CTNNA2: variants seen among roughly 807,000 people sequenced by gnomAD.
CTNNA2 encodes the protein catenin alpha 2, also known as catenin alpha-2.
In CTNNA2, 42 loss-of-function variants were observed where a neutral mutation model predicts 101.0. The ratio of observed to expected loss-of-function variants is 0.42; its 90% CI spans 0.32 to 0.54. CTNNA2 has a LOEUF of 0.54. CTNNA2 is among the 20% of genes least tolerant of loss of function. The pLI is 0.14. For synonymous variants in CTNNA2, 450 were observed against 456.4 expected, an observed-to-expected ratio of 0.99 and a Z score of 0.18; for missense variants, 871 against 1,223.1, an observed-to-expected ratio of 0.71 and a Z score of 4.29.
intron 4 of CTNNA2, among the ~76,000 whole-genome samples, chr2:79,475,465 A>C (rs2104551015): frequency 6.6e-6 from 1 of 152,296 alleles, no homozygotes; most frequent in Admixed American, 6.5e-5. Flanking sequence ...ACGTTCACAA[A>C]GTGCTAGCAT....
At chr2:79,785,117 C>G (rs768946103) in intron 3 of CTNNA2, among the ~76,000 whole-genome samples, 1 of 152,178 alleles carries the variant, frequency 6.6e-6, no homozygotes, top group Non-Finnish European at 1.5e-5. Flanking sequence ...GCTTCTCTTT[C>G]TGCCACCATG....
At chr2:80,552,079 CG>C (rs765008982) in intron 11 of CTNNA2, among the ~76,000 whole-genome samples, 3 of 151,952 alleles carry the variant, frequency 2.0e-5, no homozygotes, top group Non-Finnish European at 4.4e-5. Context: ...GTGGAGCAGG[CG>C]GAACACGCCC....
chr2:79,780,413 G>A (rs1468314791), intron 3 of CTNNA2, among the ~76,000 whole-genome samples: 1 of 152,160 alleles, frequency 6.6e-6, no homozygotes, highest in Non-Finnish European at 1.5e-5. Context: ...AGGAACTTTG[G>A]AGACCTCAAA....
chr2:80,333,833 G>T (rs1671557190), intron 7 of CTNNA2, among the ~76,000 whole-genome samples: 1 of 152,200 alleles, frequency 6.6e-6, no homozygotes, highest in South Asian at 2.1e-4. Flanking sequence ...ATGTTGGCCA[G>T]TCTGGTCTCA....
At chr2:80,416,404 T>C (rs973596406) in intron 8 of CTNNA2, among the ~76,000 whole-genome samples, 3 of 152,160 alleles carry the variant, frequency 2.0e-5, no homozygotes, top group African/African-American at 7.2e-5. Flanking sequence ...GTGTTTCTAC[T>C]GACATTTCTA....
At chr2:79,536,686 T>C (rs796212694) in intron 1 of CTNNA2, among the ~76,000 whole-genome samples, 45 of 140,030 alleles carry the variant, frequency 3.2e-4, no homozygotes, top group African/African-American at 1.0e-3. Context: ...ATGGATTTTT[T>C]TTTTCTTTTC....
chr2:79,499,520 A>G (rs1441604022), intron 4 of CTNNA2, among the ~76,000 whole-genome samples: 1 of 152,146 alleles, frequency 6.6e-6, no homozygotes, highest in Non-Finnish European at 1.5e-5. Flanking sequence ...AATTATAATA[A>G]AATCCTTAAT....
At chr2:79,661,864 AAGAT>A (rs1682060049) in intron 2 of CTNNA2, among the ~76,000 whole-genome samples, 1 of 152,112 alleles carries the variant, frequency 6.6e-6, no homozygotes, top group Admixed American at 6.6e-5. Context: ...GATTAAAAAA[AAGAT>A]AGATCACATA....
chr2:79,599,211 G>A (rs931842350), intron 1 of CTNNA2, among the ~76,000 whole-genome samples: 8 of 152,106 alleles, frequency 5.3e-5, no homozygotes, highest in Admixed American at 5.2e-4. Context: ...TAGATTTATA[G>A]TAAGTCTTGA....
intron 3 of CTNNA2, among the ~76,000 whole-genome samples, chr2:79,851,793 G>GT (rs2103910184): frequency 8.8e-6 from 1 of 113,472 alleles, no homozygotes; most frequent in East Asian, 3.0e-4. Context: ...CTAGACTGCA[G>GT]TGCAATGGTA....
chr2:80,308,499 C>A (rs1677239271), intron 7 of CTNNA2, among the ~76,000 whole-genome samples: 1 of 152,110 alleles, frequency 6.6e-6, no homozygotes. Context: ...AGAGAATTAA[C>A]TTTGTTGTTT....
chr2:80,620,234 A>C (rs1196834503), intron 18 of CTNNA2, among the ~76,000 whole-genome samples: 1 of 151,710 alleles, frequency 6.6e-6, no homozygotes, highest in East Asian at 2.0e-4. Context: ...TATAAAATAT[A>C]TAAAGAGGGT....
At position 80,017,840 on chromosome 2, in the gene CTNNA2, T is replaced by C. The variant is rs146678744; in HGVS notation, c.1056+108043T>C. On this transcript the variant is annotated intron_variant, in intron 7 of 18. Coordinates refer to ENST00000402739, the MANE Select transcript of CTNNA2 (RefSeq NM_001282597.3). ...AAGCCACGAAGTCATTTCACCTACA[T>C]TGTAAAATAGTGCTACCTACTAGGA... 6.1e-3 allele frequency among the ~76,000 whole-genome samples: 932 copies of C among 152,112 alleles called. 24 individuals carry two copies. Among genetic ancestry groups the C allele is most frequent in the Admixed American group, 0.039 (598 of 15,258 alleles).
intron 7 of CTNNA2, among the ~76,000 whole-genome samples, chr2:80,221,418 A>G (rs893723067): frequency 6.6e-6 from 1 of 152,154 alleles, no homozygotes; most frequent in Non-Finnish European, 1.5e-5. Flanking sequence ...TTGGAAAGAA[A>G]TCCCATTTCT....
chr2:79,377,229 G>A (rs1036268005), intron 4 of CTNNA2, among the ~76,000 whole-genome samples: 4 of 152,066 alleles, frequency 2.6e-5, no homozygotes, highest in African/African-American at 9.7e-5. Context: ...TAAAGTATCA[G>A]GGCCAGTAGT....
intron 1 of CTNNA2, among the ~76,000 whole-genome samples, chr2:79,590,737 G>T (rs1210671447): frequency 6.6e-6 from 1 of 152,008 alleles, no homozygotes; most frequent in Non-Finnish European, 1.5e-5. Flanking sequence ...AACTAGAGCT[G>T]CAATAAACAT....
intron 7 of CTNNA2, among the ~76,000 whole-genome samples, chr2:80,142,003 T>C (rs1265276845): frequency 6.6e-6 from 1 of 152,154 alleles, no homozygotes; most frequent in East Asian, 1.9e-4. Context: ...GACTGAATTC[T>C]GACTGCTGTT....
intron 1 of CTNNA2, among the ~76,000 whole-genome samples, chr2:79,621,536 G>C (rs1411196764): frequency 6.6e-6 from 1 of 152,110 alleles, no homozygotes; most frequent in Non-Finnish European, 1.5e-5. Context: ...AGTAGTATTG[G>C]ATTATAGCCC....
At chr2:80,054,648 C>T (rs896652557) in intron 7 of CTNNA2, among the ~76,000 whole-genome samples, 3 of 152,088 alleles carry the variant, frequency 2.0e-5, no homozygotes, top group Non-Finnish European at 4.4e-5. Flanking sequence ...TAATTAATAT[C>T]GCAAGGAGAT....
Sources: gnomAD v4.1 joint callset for allele counts (sites outside exome capture counted in the v4.1 genomes callset) on GRCh38, gnomAD v4.1.1 for gene constraint, MANE v1.5 for transcripts, NCBI Gene and HGNC (gene_info 2026-07-23, HGNC 2026-07-21) for gene names.